The following CSMD3 variants were observed in gnomAD, a reference collection of about 807,000 sequenced individuals.
CSMD3 encodes the protein CUB and sushi domain-containing protein 3.
A neutral mutation model predicts 435.2 loss-of-function variants in CSMD3; 177 were observed. The observed-to-expected ratio is 0.41, with a 90% CI of 0.36 to 0.46. The LOEUF (loss-of-function observed/expected upper bound fraction) is 0.46, where lower values mean the gene tolerates loss of function less well. CSMD3 is among the 20% of genes least tolerant of loss of function. The probability of loss-of-function intolerance (pLI) is 0.34; values close to 1 mark genes in which losing one functional copy is unlikely to be tolerated. For missense variants in CSMD3, 4,265 were observed against 4,504.6 expected, an observed-to-expected ratio of 0.95 and a Z score of 1.52; for synonymous variants, 1,656 against 1,520.5, an observed-to-expected ratio of 1.09 and a Z score of -2.07.
chr8:113,261,760 C>A (rs1336946684), intron 3 of CSMD3, among the ~76,000 whole-genome samples: 1 of 152,018 alleles, frequency 6.6e-6, no homozygotes, highest in East Asian at 1.9e-4. Context: ...TTCCTTTTGA[C>A]CAAATGGAGA....
chr8:112,576,831 CATACATATATATAT>C (rs143738362), intron 23 of CSMD3, among the ~76,000 whole-genome samples: 60,433 of 144,762 alleles, frequency 0.42, 13,047 homozygotes, highest in East Asian at 0.6. Flanking sequence ...CACCAGGCAG[CATACATATATATAT>C]ATATATATAT....
chr8:112,721,489 T>C (rs1587075374), intron 13 of CSMD3, among the ~76,000 whole-genome samples: 1 of 151,998 alleles, frequency 6.6e-6, no homozygotes, highest in East Asian at 1.9e-4. Flanking sequence ...GGCATGAGAA[T>C]CACCTGAACC....
At chr8:112,375,740 C>T (rs907204074) in intron 38 of CSMD3, among the ~76,000 whole-genome samples, 1 of 152,026 alleles carries the variant, frequency 6.6e-6, no homozygotes, top group Non-Finnish European at 1.5e-5. Flanking sequence ...ACACAAGAAT[C>T]TTTTTAAAGT....
intron 7 of CSMD3, among the ~76,000 whole-genome samples, chr8:112,974,021 C>T (rs1377436585): frequency 6.6e-6 from 1 of 151,724 alleles, no homozygotes; most frequent in Non-Finnish European, 1.5e-5. Flanking sequence ...TTCAAAATCA[C>T]CATTTTGTAA....
intron 4 of CSMD3, among the ~76,000 whole-genome samples, chr8:113,147,922 CTT>C (rs1205929138): frequency 1.3e-5 from 2 of 151,686 alleles, no homozygotes; most frequent in African/African-American, 4.8e-5. Context: ...ACTAGTGTCT[CTT>C]GTTTAGAACA....
intron 24 of CSMD3, among the ~76,000 whole-genome samples, chr8:112,558,664 T>C (rs1463221710): frequency 6.6e-6 from 1 of 151,810 alleles, no homozygotes; most frequent in East Asian, 1.9e-4. Context: ...GAGAGCTGGA[T>C]AATTGGTCGG....
chr8:112,507,600 T>G (rs1342306287), intron 28 of CSMD3, among the ~76,000 whole-genome samples: 1 of 152,194 alleles, frequency 6.6e-6, no homozygotes, highest in African/African-American at 2.4e-5. Context: ...TCGGCATTCT[T>G]CTCTCACCTT....
At chr8:112,670,125 A>G (rs544413164) in intron 16 of CSMD3, among the ~76,000 whole-genome samples, 8 of 152,200 alleles carry the variant, frequency 5.3e-5, no homozygotes, top group Admixed American at 1.3e-4. Context: ...GATTCTGTTT[A>G]ATTTGAAGAT....
chr8:112,610,651 A>G (rs973379216), intron 22 of CSMD3, among the ~76,000 whole-genome samples: 5 of 152,224 alleles, frequency 3.3e-5, no homozygotes, highest in African/African-American at 9.6e-5. Context: ...CAGAATTCAT[A>G]AAGCAGGTCT....
In CSMD3 at chr8:113,315,862, A is replaced by T. The variant is rs1290204288; in HGVS notation, c.179-1069T>A. Among the ~76,000 whole-genome samples, 5 of 151,612 alleles carry T rather than the reference A, an allele frequency of 3.3e-5. No individual in the cohort carries two copies. The East Asian group carries it at 9.7e-4, about 29-fold the overall frequency. ...ACCTCCCAAGTAGCTGGAATTACAGACATGCACCACCACGCCCGGCTAATT... is the reference window on the plus strand; with the variant it reads ...ACCTCCCAAGTAGCTGGAATTACAGTCATGCACCACCACGCCCGGCTAATT... On this transcript the variant is annotated intron_variant, in intron 1 of 70. Coordinates refer to ENST00000297405, the MANE Select transcript of CSMD3 (RefSeq NM_198123.2).
chr8:113,020,981 T>C (rs1384324466), intron 5 of CSMD3, among the ~76,000 whole-genome samples: 3 of 152,214 alleles, frequency 2.0e-5, no homozygotes, highest in Non-Finnish European at 4.4e-5. Flanking sequence ...GATGACCACC[T>C]GCCCATTAAA....
At chr8:112,479,642 A>G (rs1819434099) in intron 31 of CSMD3, among the ~76,000 whole-genome samples, 1 of 152,192 alleles carries the variant, frequency 6.6e-6, no homozygotes, top group Non-Finnish European at 1.5e-5. Flanking sequence ...GGTACAGCTC[A>G]GGCCACAGCT....
chr8:113,332,111 T>C (rs74957162), intron 1 of CSMD3, among the ~76,000 whole-genome samples: 3,348 of 151,744 alleles, frequency 0.022, 50 homozygotes, highest in Middle Eastern at 0.058. Flanking sequence ...GGTTTTCCAG[T>C]GCATATAAAA....
intron 1 of CSMD3, among the ~76,000 whole-genome samples, chr8:113,357,319 A>C (rs2094237750): frequency 6.6e-6 from 1 of 152,202 alleles, no homozygotes; most frequent in African/African-American, 2.4e-5. Flanking sequence ...TTAGAAAATG[A>C]AGTAATTTTC....
chr8:112,454,865 T>C (rs1337776757), intron 32 of CSMD3, among the ~76,000 whole-genome samples: 1 of 152,012 alleles, frequency 6.6e-6, no homozygotes, highest in Non-Finnish European at 1.5e-5. Flanking sequence ...GCATCTTTTG[T>C]AGTGACTGTG....
intron 6 of CSMD3, among the ~76,000 whole-genome samples, chr8:112,986,906 G>C (rs993121890): frequency 6.6e-6 from 1 of 151,996 alleles, no homozygotes; most frequent in Admixed American, 6.6e-5. Context: ...TCAATAGATA[G>C]ATAATTAGGT....
intron 13 of CSMD3, among the ~76,000 whole-genome samples, chr8:112,787,781 G>A (rs2078587259): frequency 6.6e-6 from 1 of 152,152 alleles, no homozygotes; most frequent in South Asian, 2.1e-4. Flanking sequence ...ATGGTAACCA[G>A]AGGCTGGGAA....
Position 113,314,800 on chromosome 8 carries a change from C to A in CSMD3, c.179-7G>T. 6.6e-6 allele frequency: 10 copies of A among 1,507,518 alleles called. No homozygotes were observed. Among genetic ancestry groups the A allele is most frequent in the Non-Finnish European group, 9.2e-6 (10 of 1,083,992 alleles). 93.4% of individuals were successfully genotyped at this position (1,507,518 alleles called of 1,614,324 possible). On this transcript the variant is annotated splice_polypyrimidine_tract_variant and splice_region_variant and intron_variant, in intron 1 of 70. Coordinates refer to ENST00000297405, the MANE Select transcript of CSMD3 (RefSeq NM_198123.2). ...CCACATGTATAAATAAATCCTGCAA[C>A]AAAAGACAATAAACAGACATTAATA...
At chr8:112,288,643 T>C (rs1365718942) in intron 57 of CSMD3, among the ~76,000 whole-genome samples, 2 of 151,864 alleles carry the variant, frequency 1.3e-5, no homozygotes, top group Non-Finnish European at 2.9e-5. Flanking sequence ...ATCTGGTTGA[T>C]GGGTAAAAAT....
Sources: allele counts gnomAD v4.1 joint callset (sites outside exome capture counted in the v4.1 genomes callset), GRCh38; gene constraint gnomAD v4.1.1; transcripts MANE v1.5; gene names NCBI Gene and HGNC (gene_info 2026-07-23, HGNC 2026-07-21).